ZDHHC15: variants seen among roughly 807,000 people sequenced by gnomAD.
The protein encoded by ZDHHC15 is palmitoyltransferase ZDHHC15.
ZDHHC15 carries 19 observed loss-of-function variants against 31.7 expected under a neutral mutation model. The observed-to-expected ratio is 0.60, with a 90% confidence interval of 0.42 to 0.88. The LOEUF is 0.88. Ranked by LOEUF, ZDHHC15 falls within the 40% of genes least tolerant of loss-of-function variation. The pLI, the probability that ZDHHC15 is intolerant of heterozygous loss-of-function variation, is 0.00. For missense variants in ZDHHC15, 209 were observed against 251.2 expected, an observed-to-expected ratio of 0.83 and a Z score of 1.14; for synonymous variants, 103 against 90.0, an observed-to-expected ratio of 1.14 and a Z score of -0.82.
chrX:75,413,682 AC>A (rs1238526545), intron 10 of ZDHHC15, among the ~76,000 whole-genome samples: 1 of 110,490 alleles, frequency 9.1e-6, no homozygotes, highest in African/African-American at 3.3e-5. Context: ...AAAAAAACAA[AC>A]AACAACAACA....
intron 10 of ZDHHC15, among the ~76,000 whole-genome samples, chrX:75,396,885 C>A (rs2083304332): frequency 9.0e-6 from 1 of 111,633 alleles, no homozygotes; most frequent in Non-Finnish European, 1.9e-5. Flanking sequence ...ATAAGCCAGG[C>A]ACAGAAAGAC....
At chrX:75,437,040 C>T (rs2083862253) in intron 4 of ZDHHC15, among the ~76,000 whole-genome samples, 1 of 110,339 alleles carries the variant, frequency 9.1e-6, no homozygotes, top group Admixed American at 9.6e-5. Context: ...CACCACCATG[C>T]CCGGCTAATT....
In ZDHHC15 at chrX:75,383,734, G is replaced by GTTTTTTTTTTTTTTT. The variant is rs541238663; in HGVS notation, c.968-4537_968-4536insAAAAAAAAAAAAAAA. Among the ~76,000 whole-genome samples, 5 of 77,793 alleles carry GTTTTTTTTTTTTTTT rather than the reference G, an allele frequency of 6.4e-5. 1 individual carries two copies. The highest frequency in any genetic ancestry group is 9.0e-5 in the African/African-American group (2 of 22,148). The allele number at this position is 77,793 out of a possible 115,157, so 67.6% of individuals were successfully genotyped here. ...ACTACCCCAAATTTAAGAAATGTTA[G>GTTTTTTTTTTTTTTT]GTTTTTTTTTTTTTTTTTTTTTGAG... On this transcript the variant is annotated intron_variant, in intron 10 of 11. Coordinates refer to ENST00000373367, the MANE Select transcript of ZDHHC15 (RefSeq NM_144969.3).
chrX:75,404,035 A>G lies in ZDHHC15; in HGVS notation c.967+13052T>C, dbSNP rs763908058. ...TACTGGTACAAAAACAGGCACATAG[A>G]CCAAAGGAACACAATAGAGAGCCCA... On this transcript the variant is annotated intron_variant, in intron 10 of 11. Coordinates refer to ENST00000373367, the MANE Select transcript of ZDHHC15 (RefSeq NM_144969.3). Among the ~76,000 whole-genome samples, 226 of 111,907 alleles carry G rather than the reference A, an allele frequency of 2.0e-3. 1 individual carries two copies. The highest frequency in any genetic ancestry group is 6.6e-3 in the African/African-American group (202 of 30,778).
chrX:75,434,793 T>C (rs1393137472), intron 4 of ZDHHC15, among the ~76,000 whole-genome samples: 1 of 112,317 alleles, frequency 8.9e-6, no homozygotes, highest in East Asian at 2.8e-4. Context: ...TTTGTTCTTT[T>C]TGCTTACTCT....
chrX:75,470,421 G>A (rs1386089017), intron 3 of ZDHHC15, among the ~76,000 whole-genome samples: 1 of 110,979 alleles, frequency 9.0e-6, no homozygotes, highest in Non-Finnish European at 1.9e-5. Context: ...GAGAGGCGAG[G>A]AGTTTAGTGA....
At chrX:75,418,669 A>G (rs905027011) in intron 9 of ZDHHC15, among the ~76,000 whole-genome samples, 29 of 112,113 alleles carry the variant, frequency 2.6e-4, no homozygotes, top group African/African-American at 9.1e-4. Flanking sequence ...TCACAAATCT[A>G]CAACCATCTG....
At chrX:75,452,393 G>T (rs915338423) in intron 3 of ZDHHC15, among the ~76,000 whole-genome samples, 1 of 110,911 alleles carries the variant, frequency 9.0e-6, no homozygotes, top group Non-Finnish European at 1.9e-5. Context: ...CATAAAACAA[G>T]TCCTAACAGA....
intron 1 of ZDHHC15, among the ~76,000 whole-genome samples, chrX:75,510,423 G>A (rs1013816409): frequency 9.4e-6 from 1 of 106,040 alleles, no homozygotes; most frequent in Non-Finnish European, 1.9e-5. Context: ...CTATAGGCTT[G>A]AATGGATACT....
chrX:75,446,526 G>GA (rs1010356895), intron 4 of ZDHHC15, among the ~76,000 whole-genome samples: 4 of 112,090 alleles, frequency 3.6e-5, no homozygotes, highest in African/African-American at 1.3e-4. Context: ...TCTCTGAATG[G>GA]AAAAAAAGTG....
chrX:75,424,845 A>G, intron 7 of ZDHHC15, 61 bp from the exon 8 acceptor site: 1 of 1,094,429 alleles, frequency 9.1e-7, no homozygotes, highest in Middle Eastern at 2.5e-4. Context: ...TAGTTTTTCT[A>G]AATATATAGG....
chrX:75,413,981 A>G (rs899758795), intron 10 of ZDHHC15, among the ~76,000 whole-genome samples: 1 of 111,747 alleles, frequency 8.9e-6, no homozygotes, highest in Non-Finnish European at 1.9e-5. Flanking sequence ...AATTTGAAGG[A>G]AATGGATCCC....
intron 3 of ZDHHC15, among the ~76,000 whole-genome samples, chrX:75,472,700 C>A (rs2084522062): frequency 8.9e-6 from 1 of 112,088 alleles, no homozygotes; most frequent in East Asian, 2.8e-4. Context: ...CTTTCCCCAG[C>A]CACCCCTGTC....
intron 9 of ZDHHC15, among the ~76,000 whole-genome samples, chrX:75,419,763 G>A (rs1192006707): frequency 9.2e-6 from 1 of 109,047 alleles, no homozygotes; most frequent in Non-Finnish European, 1.9e-5. Flanking sequence ...GGAATACTAT[G>A]CAGTCATAAA....
intron 1 of ZDHHC15, among the ~76,000 whole-genome samples, chrX:75,522,229 G>T (rs1267636075): frequency 9.0e-6 from 1 of 111,622 alleles, no homozygotes; most frequent in Non-Finnish European, 1.9e-5. Flanking sequence ...AGAGAATGGA[G>T]GGCTTACCAC....
chrX:75,382,575 A>G (rs2083125797), intron 10 of ZDHHC15, among the ~76,000 whole-genome samples: 1 of 112,517 alleles, frequency 8.9e-6, no homozygotes, highest in Non-Finnish European at 1.9e-5. Flanking sequence ...GCATGTGGCC[A>G]AAATGTTAGG....
intron 2 of ZDHHC15, 95 bp from the exon 3 acceptor site, chrX:75,479,080 C>G (rs778073022): frequency 1.1e-5 from 6 of 550,736 alleles, no homozygotes; most frequent in African/African-American, 7.2e-5. Flanking sequence ...TTATTGTTTT[C>G]TTATTAACAT....
At chrX:75,510,159 G>A (rs73221921) in intron 1 of ZDHHC15, among the ~76,000 whole-genome samples, 9,128 of 111,467 alleles carry the variant, frequency 0.082, 390 homozygotes, top group Non-Finnish European at 0.12. Flanking sequence ...AAACCTGGAT[G>A]ATCGTAATAC....
chrX:75,476,700 T>A (rs1217114046), intron 3 of ZDHHC15, among the ~76,000 whole-genome samples: 1 of 105,569 alleles, frequency 9.5e-6, no homozygotes, highest in Non-Finnish European at 2.0e-5. Flanking sequence ...TGTTCCTTTC[T>A]CCTCCCTTCC....
Sources: gnomAD v4.1 joint callset for allele counts (sites outside exome capture counted in the v4.1 genomes callset) on GRCh38, gnomAD v4.1.1 for gene constraint, MANE v1.5 for transcripts, NCBI Gene and HGNC (gene_info 2026-07-23, HGNC 2026-07-21) for gene names.